Variants in GRM7 observed in about 807,000 individuals in gnomAD.
GRM7 encodes the protein metabotropic glutamate receptor 7.
Under a neutral mutation model 84.5 loss-of-function variants are expected in GRM7, and 35 were observed. The ratio of observed to expected loss-of-function variants is 0.41; its 90% CI spans 0.32 to 0.55. The LOEUF is 0.55. Among genes scored for constraint, GRM7 ranks in the 20% least tolerant of loss-of-function variants. The pLI is 0.19. For synonymous variants in GRM7, 487 were observed against 455.1 expected (o/e 1.07, Z -0.89); for missense variants, 1,003 against 1,194.6 (o/e 0.84, Z 2.36).
At chr3:7,408,461 C>T (rs1695775966) in intron 4 of GRM7, among the ~76,000 whole-genome samples, 1 of 152,178 alleles carries the variant, frequency 6.6e-6, no homozygotes, top group African/African-American at 2.4e-5. Context: ...CTGGTTTCCA[C>T]CTCTCTCATC....
chr3:7,728,036 C>T (rs974863914), intron 9 of GRM7, among the ~76,000 whole-genome samples: 15 of 152,170 alleles, frequency 9.9e-5, no homozygotes, highest in Non-Finnish European at 5.9e-5. Flanking sequence ...GTTTCCTCTC[C>T]TTTGAGCCCT....
At chr3:7,192,846 C>T (rs1236476895) in intron 2 of GRM7, among the ~76,000 whole-genome samples, 1 of 152,094 alleles carries the variant, frequency 6.6e-6, no homozygotes, top group African/African-American at 2.4e-5. Flanking sequence ...TGTAATGAGG[C>T]CTGTGCCTCT....
At chr3:7,347,178 T>G (rs1400666177) in intron 4 of GRM7, among the ~76,000 whole-genome samples, 2 of 152,120 alleles carry the variant, frequency 1.3e-5, no homozygotes, top group Non-Finnish European at 2.9e-5. Context: ...CAAGCATGTT[T>G]AGAGAGAAAG....
At chr3:7,600,195 C>G (rs1027793958) in intron 8 of GRM7, among the ~76,000 whole-genome samples, 3 of 151,794 alleles carry the variant, frequency 2.0e-5, no homozygotes, top group African/African-American at 7.3e-5. Context: ...TCGGTGGTTA[C>G]TTAAAAATCA....
chr3:6,977,019 T>A (rs977967053), intron 1 of GRM7, among the ~76,000 whole-genome samples: 1 of 152,160 alleles, frequency 6.6e-6, no homozygotes, highest in Non-Finnish European at 1.5e-5. Flanking sequence ...GAATTGATGG[T>A]TACTGACTGG....
chr3:7,093,907 C>T (rs144500011), intron 1 of GRM7, among the ~76,000 whole-genome samples: 2 of 152,138 alleles, frequency 1.3e-5, no homozygotes, highest in African/African-American at 2.4e-5. Context: ...AGAACAAATG[C>T]AGGAGTTAGA....
intron 1 of GRM7, among the ~76,000 whole-genome samples, chr3:6,891,757 T>G (rs1028632468): frequency 6.6e-6 from 1 of 152,192 alleles, no homozygotes; most frequent in African/African-American, 2.4e-5. Flanking sequence ...TTCTCTGTAT[T>G]TCCTGAATCT....
At chr3:7,240,641 C>A (rs1183835341) in intron 2 of GRM7, among the ~76,000 whole-genome samples, 1 of 152,046 alleles carries the variant, frequency 6.6e-6, no homozygotes, top group Admixed American at 6.6e-5. Context: ...AAGTCTGTTT[C>A]TTTTTTCCAT....
intron 1 of GRM7, among the ~76,000 whole-genome samples, chr3:6,923,465 AT>A (rs1203256210): frequency 6.6e-6 from 1 of 152,242 alleles, no homozygotes; most frequent in Non-Finnish European, 1.5e-5. Context: ...CAAGAAAAAA[AT>A]GTCCTTTTAT....
intron 5 of GRM7, among the ~76,000 whole-genome samples, chr3:7,418,009 A>G (rs1476963484): frequency 6.6e-6 from 1 of 152,170 alleles, no homozygotes; most frequent in East Asian, 1.9e-4. Flanking sequence ...AATATTCATT[A>G]AGAAACATGA....
intron 7 of GRM7, among the ~76,000 whole-genome samples, chr3:7,500,438 T>C (rs1487272200): frequency 6.6e-6 from 1 of 152,206 alleles, no homozygotes; most frequent in Non-Finnish European, 1.5e-5. Context: ...CAAATTCAGC[T>C]CTTCTGCCAG....
chr3:7,212,709 A>T (rs1295151487), intron 2 of GRM7, among the ~76,000 whole-genome samples: 1 of 152,224 alleles, frequency 6.6e-6, no homozygotes, highest in Non-Finnish European at 1.5e-5. Context: ...TTATGTTTTT[A>T]TTCATTCATC....
intron 7 of GRM7, among the ~76,000 whole-genome samples, chr3:7,467,497 A>T (rs1698509846): frequency 6.6e-6 from 1 of 152,138 alleles, no homozygotes; most frequent in African/African-American, 2.4e-5. Flanking sequence ...AGGGATGGGT[A>T]CCCGTACTAC....
chr3:7,554,363 T>C (rs1426352162), intron 7 of GRM7, among the ~76,000 whole-genome samples: 1 of 152,168 alleles, frequency 6.6e-6, no homozygotes, highest in Admixed American at 6.6e-5. Flanking sequence ...CAAATATCGC[T>C]ACACGGGCAC....
chr3:7,637,221 A>G (rs1228914046), intron 8 of GRM7, among the ~76,000 whole-genome samples: 3 of 152,178 alleles, frequency 2.0e-5, no homozygotes, highest in Non-Finnish European at 4.4e-5. Context: ...ATAGCTCACT[A>G]TAACCTTAAA....
At chr3:7,572,095 A>T (rs1379328277) in intron 7 of GRM7, among the ~76,000 whole-genome samples, 2 of 152,186 alleles carry the variant, frequency 1.3e-5, no homozygotes, top group African/African-American at 2.4e-5. Context: ...GTTACAATTC[A>T]TGATGAGATT....
At chr3:6,908,473 G>C (rs1332265392) in intron 1 of GRM7, among the ~76,000 whole-genome samples, 5 of 152,168 alleles carry the variant, frequency 3.3e-5, no homozygotes, top group African/African-American at 4.8e-5. Flanking sequence ...TCATTTCGCA[G>C]ATGAAAAAAC....
chr3:7,447,906 C>T (rs545726250), intron 5 of GRM7, among the ~76,000 whole-genome samples: 2 of 109,466 alleles, frequency 1.8e-5, no homozygotes, highest in African/African-American at 6.8e-5. Flanking sequence ...CCCCTCCCCC[C>T]ACCCCACAAC....
In GRM7 at chr3:7,690,097, G is replaced by T. The variant is rs1700740665; in HGVS notation, c.2698+9802G>T. The stretch of plus-strand genomic sequence containing the variant: ...CAAGGTAGGGGAAAGTATACACAAA[G>T]AACCTGCAGTACAAGAGAATGTGAC... On this transcript the variant is annotated intron_variant, in intron 9 of 9. Coordinates refer to ENST00000357716, the MANE Select transcript of GRM7 (RefSeq NM_000844.4). Among the ~76,000 whole-genome samples, 4 of 152,266 alleles carry T rather than the reference G, an allele frequency of 2.6e-5. No individual in the cohort carries two copies. The South Asian group carries it at 8.3e-4, about 32-fold the overall frequency.
Sources: gnomAD v4.1 joint callset for allele counts (sites outside exome capture counted in the v4.1 genomes callset) on GRCh38, gnomAD v4.1.1 for gene constraint, MANE v1.5 for transcripts, NCBI Gene and HGNC (gene_info 2026-07-23, HGNC 2026-07-21) for gene names.